DSCAML1: variants seen among roughly 807,000 people sequenced by gnomAD.
DSCAML1 encodes the protein cell adhesion molecule DSCAML1.
In DSCAML1, 38 loss-of-function variants were observed where a neutral mutation model predicts 200.5. The observed-to-expected ratio is 0.19, with a 90% CI of 0.15 to 0.25. The LOEUF (loss-of-function observed/expected upper bound fraction) is 0.25, where lower values mean the gene tolerates loss of function less well. Among genes scored for constraint, DSCAML1 ranks in the 10% least tolerant of loss-of-function variants. The pLI is 1.00. For missense variants in DSCAML1, 2,223 were observed against 2,858.8 expected (o/e 0.78, Z 5.07); for synonymous variants, 1,215 against 1,165.0 (o/e 1.04, Z -0.87).
chr11:117,723,838 T>C (rs1248144794), intron 3 of DSCAML1, among the ~76,000 whole-genome samples: 1 of 152,196 alleles, frequency 6.6e-6, no homozygotes, highest in East Asian at 1.9e-4. Context: ...GAGGGAATGA[T>C]GGGGCCAGAA....
At chr11:117,443,865 C>T (rs368394456) in intron 21 of DSCAML1, 21 bp downstream of exon 21, 64 of 1,570,916 alleles carry the variant, frequency 4.1e-5, no homozygotes, top group East Asian at 2.9e-4. Flanking sequence ...TGCCCCTCTG[C>T]CACAGCCTCA....
At chr11:117,720,111 C>T (rs1322024516) in intron 3 of DSCAML1, among the ~76,000 whole-genome samples, 1 of 152,106 alleles carries the variant, frequency 6.6e-6, no homozygotes. Flanking sequence ...AGAACCCCCA[C>T]CCTGTGCCGA....
intron 5 of DSCAML1, among the ~76,000 whole-genome samples, chr11:117,524,235 A>G (rs2049933326): frequency 6.6e-6 from 1 of 152,198 alleles, no homozygotes; most frequent in African/African-American, 2.4e-5. Flanking sequence ...ATAGGAAGGA[A>G]CCAGGGTTGA....
At chr11:117,636,274 G>A (rs1447982767) in intron 3 of DSCAML1, among the ~76,000 whole-genome samples, 1 of 152,172 alleles carries the variant, frequency 6.6e-6, no homozygotes, top group Non-Finnish European at 1.5e-5. Context: ...GAATAGGTGA[G>A]TATTTCAAGC....
At chr11:117,550,115 C>T (rs1006860846) in intron 3 of DSCAML1, among the ~76,000 whole-genome samples, 2 of 152,180 alleles carry the variant, frequency 1.3e-5, no homozygotes, top group Non-Finnish European at 2.9e-5. Context: ...TCATCATATA[C>T]TGGCCTTTTA....
At chr11:117,681,867 G>A (rs1037728085) in intron 3 of DSCAML1, among the ~76,000 whole-genome samples, 2 of 152,128 alleles carry the variant, frequency 1.3e-5, no homozygotes, top group African/African-American at 2.4e-5. Context: ...AGTCTCTTCC[G>A]TTAATACCAC....
At position 117,475,040 on chromosome 11, in the gene DSCAML1, T is replaced by C. The variant is rs537438454; in HGVS notation, c.2786-3004A>G. On this transcript the variant is annotated intron_variant, in intron 14 of 32. Coordinates refer to ENST00000651296, the MANE Select transcript of DSCAML1 (RefSeq NM_020693.4). ...AAAGTGCTGGGATTACAGGCGTGAG[T>C]CACCGCGCCTGGCCTCTGTGTCATT... 1.6e-4 allele frequency among the ~76,000 whole-genome samples: 24 copies of C among 152,074 alleles called. No homozygotes were observed. The South Asian group carries it at 1.9e-3, about 12-fold the overall frequency.
At chr11:117,449,318 A>G (rs563337352) in intron 20 of DSCAML1, among the ~76,000 whole-genome samples, 8 of 152,174 alleles carry the variant, frequency 5.3e-5, no homozygotes, top group Non-Finnish European at 1.0e-4. Flanking sequence ...GTCTACAGTG[A>G]TGACGTTTGT....
intron 3 of DSCAML1, among the ~76,000 whole-genome samples, chr11:117,537,121 A>C (rs2050186291): frequency 8.3e-6 from 1 of 120,482 alleles, no homozygotes; most frequent in Admixed American, 7.7e-5. Context: ...CTCTCCTAGA[A>C]TGACAGCACC....
intron 3 of DSCAML1, among the ~76,000 whole-genome samples, chr11:117,676,746 G>T (rs2053221965): frequency 6.6e-6 from 1 of 152,256 alleles, no homozygotes. Context: ...CCAGGTGGCA[G>T]GGCCGCACTC....
intron 3 of DSCAML1, among the ~76,000 whole-genome samples, chr11:117,683,003 C>T (rs2053337773): frequency 6.6e-6 from 1 of 152,254 alleles, no homozygotes; most frequent in African/African-American, 2.4e-5. Context: ...TGCTCCTCCA[C>T]AGAGGACTTG....
intron 3 of DSCAML1, among the ~76,000 whole-genome samples, chr11:117,626,389 C>G (rs1286637775): frequency 6.6e-6 from 1 of 152,186 alleles, no homozygotes; most frequent in Non-Finnish European, 1.5e-5. Context: ...GTAGGCATTT[C>G]ATGCTGCTGC....
intron 4 of DSCAML1, among the ~76,000 whole-genome samples, chr11:117,531,081 C>T (rs2050069126): frequency 6.6e-6 from 1 of 152,178 alleles, no homozygotes; most frequent in Admixed American, 6.5e-5. Flanking sequence ...GTGCATCGCG[C>T]AGGCTGTGAT....
intron 3 of DSCAML1, among the ~76,000 whole-genome samples, chr11:117,645,886 A>C (rs940070515): frequency 5.9e-5 from 9 of 152,102 alleles, no homozygotes; most frequent in African/African-American, 2.2e-4. Context: ...TGTACCCTAA[A>C]ACTTAAAGTA....
At chr11:117,725,025 G>T (rs995429972) in intron 3 of DSCAML1, among the ~76,000 whole-genome samples, 35 of 152,112 alleles carry the variant, frequency 2.3e-4, no homozygotes, top group African/African-American at 8.5e-4. Context: ...GGCAGAGGTG[G>T]GCCCAGTACT....
chr11:117,473,459 T>A (rs957079966), intron 14 of DSCAML1, among the ~76,000 whole-genome samples: 1 of 152,070 alleles, frequency 6.6e-6, no homozygotes, highest in Non-Finnish European at 1.5e-5. Context: ...ATCATGCCAC[T>A]GCACTCCAGC....
chr11:117,605,585 C>T (rs888709484), intron 3 of DSCAML1, among the ~76,000 whole-genome samples: 2 of 152,310 alleles, frequency 1.3e-5, no homozygotes, highest in East Asian at 3.9e-4. Context: ...GACTAGATTT[C>T]TCCATTTAGG....
rs1170541792 is a variant in DSCAML1, at chr11:117,440,920, C to CAAAAAAA, written c.3863-991_3863-985dup. On this transcript the variant is annotated intron_variant, in intron 21 of 32. Transcript: ENST00000651296. The stretch of plus-strand genomic sequence containing the variant: ...TGGGTGACAGAGCAAGACTCTGTCT[C>CAAAAAAA]AAAAAAAAAAAAAAAAAAAAAAAAA... Among the ~76,000 whole-genome samples, 29 of 41,112 alleles carry CAAAAAAA rather than the reference C, an allele frequency of 7.1e-4. 2 individuals are homozygous for CAAAAAAA. Among genetic ancestry groups the CAAAAAAA allele is most frequent in the African/African-American group, 2.4e-3 (27 of 11,138 alleles). 27.0% of individuals were successfully genotyped at this position (41,112 alleles called of 152,430 possible). A position where few individuals can be genotyped will look rare whatever the true frequency, so the allele number is the denominator to read the frequency against.
At chr11:117,616,304 G>A (rs1054403497) in intron 3 of DSCAML1, among the ~76,000 whole-genome samples, 1 of 152,172 alleles carries the variant, frequency 6.6e-6, no homozygotes, top group Non-Finnish European at 1.5e-5. Flanking sequence ...CCCACTGCTG[G>A]AGCTGACACA....
Sources: allele counts gnomAD v4.1 joint callset (sites outside exome capture counted in the v4.1 genomes callset), GRCh38; gene constraint gnomAD v4.1.1; transcripts MANE v1.5; gene names NCBI Gene and HGNC (gene_info 2026-07-23, HGNC 2026-07-21).